Variants in ST18 observed in about 807,000 individuals in gnomAD.
ST18 encodes suppression of tumorigenicity 18 protein.
A neutral mutation model predicts 110.0 loss-of-function variants in ST18; 50 were observed. The observed-to-expected ratio is 0.45, with a 90% confidence interval of 0.36 to 0.58. The LOEUF (loss-of-function observed/expected upper bound fraction) is 0.58. ST18 is among the 20% of genes least tolerant of loss of function. The pLI, the probability that ST18 is intolerant of heterozygous loss-of-function variation, is 0.00. For missense variants in ST18, 1,306 were observed against 1,280.1 expected (o/e 1.02, Z -0.31); for synonymous variants, 461 against 452.4 (o/e 1.02, Z -0.24).
chr8:52,267,669 C>T (rs769023773), intron 2 of ST18, among the ~76,000 whole-genome samples: 4 of 152,088 alleles, frequency 2.6e-5, no homozygotes, highest in Non-Finnish European at 5.9e-5. Context: ...ATTATGCAAC[C>T]TGTACTTAAG....
At chr8:52,209,768 C>T (rs1322619122) in intron 8 of ST18, among the ~76,000 whole-genome samples, 1 of 47,026 alleles carries the variant, frequency 2.1e-5, no homozygotes, top group Non-Finnish European at 3.8e-5. Context: ...GAAACTCCAT[C>T]TCAAAAAAAA....
intron 2 of ST18, among the ~76,000 whole-genome samples, chr8:52,283,908 G>C (rs1040302651): frequency 7.2e-5 from 11 of 152,188 alleles, no homozygotes; most frequent in African/African-American, 2.7e-4. Context: ...ATATGAAATA[G>C]TCTTCTACAA....
chr8:52,238,243 A>G (rs774787133), intron 2 of ST18, among the ~76,000 whole-genome samples: 1 of 152,216 alleles, frequency 6.6e-6, no homozygotes, highest in South Asian at 2.1e-4. Context: ...ACATGCGTCT[A>G]CTTGAGAAAT....
At chr8:52,390,541 G>T (rs973544686) in intron 2 of ST18, among the ~76,000 whole-genome samples, 2 of 152,186 alleles carry the variant, frequency 1.3e-5, no homozygotes, top group African/African-American at 4.8e-5. Flanking sequence ...GTAGAAATAT[G>T]TCCGATTCCG....
At chr8:52,204,391 A>G (rs947437032) in intron 8 of ST18, among the ~76,000 whole-genome samples, 1 of 152,138 alleles carries the variant, frequency 6.6e-6, no homozygotes, top group African/African-American at 2.4e-5. Flanking sequence ...AACGCCCGTT[A>G]ATTTCTTATA....
intron 14 of ST18, 76 bp from the exon 15 acceptor site, chr8:52,159,185 T>A: frequency 7.5e-7 from 1 of 1,340,834 alleles, no homozygotes; most frequent in Middle Eastern, 1.9e-4. Flanking sequence ...TTTTTAAAAA[T>A]GTAACTTCTT....
At chr8:52,214,428 CT>C in intron 6 of ST18, 171 bp from the exon 7 acceptor site, 1 of 598,896 alleles carries the variant, frequency 1.7e-6, no homozygotes, top group Non-Finnish European at 2.9e-6. Context: ...ATACCACCAG[CT>C]TTGGAAATAC....
intron 2 of ST18, among the ~76,000 whole-genome samples, chr8:52,395,903 GAT>G (rs1432885000): frequency 2.0e-5 from 3 of 152,144 alleles, no homozygotes; most frequent in East Asian, 1.9e-4. Flanking sequence ...TACTAAAAAT[GAT>G]ATGTTTATGG....
At chr8:52,340,160 C>G (rs929540206) in intron 2 of ST18, among the ~76,000 whole-genome samples, 1 of 152,260 alleles carries the variant, frequency 6.6e-6, no homozygotes, top group Non-Finnish European at 1.5e-5. Flanking sequence ...TTTTGGCACA[C>G]AGCCAGGGTG....
At position 52,158,922 on chromosome 8, in the gene ST18, G is replaced by A. The variant is rs764542667; in HGVS notation, c.1782C>T (p.Asn594=). Residue 594 remains asparagine (N), a synonymous_variant, in exon 15 of 26, where the codon AAC becomes AAT. Coordinates refer to ENST00000689386, the MANE Select transcript of ST18 (RefSeq NM_001352837.2). The part of the protein sequence containing the change: ...RCREATDILS[N]KPQSLHAKGA... ...CCTTGGCATGCAGACTCTGTGGCTTGTTGGAGAGGATGTCTGTGGCTTCCC... is the reference window on the plus strand; with the variant it reads ...CCTTGGCATGCAGACTCTGTGGCTTATTGGAGAGGATGTCTGTGGCTTCCC... 2 of 1,613,886 alleles carry A rather than the reference G, an allele frequency of 1.2e-6. No individual in the cohort carries two copies. Among genetic ancestry groups the A allele is most frequent in the Non-Finnish European group, 1.7e-6 (2 of 1,179,912 alleles).
intron 2 of ST18, chr8:52,254,322 T>G (rs2094455876): frequency 6.6e-6 from 1 of 152,220 alleles, no homozygotes; most frequent in Non-Finnish European, 1.5e-5. Context: ...AAGCTGTTTC[T>G]TTGAAAGGTA....
At chr8:52,282,617 A>G (rs1292189970) in intron 2 of ST18, among the ~76,000 whole-genome samples, 1 of 152,098 alleles carries the variant, frequency 6.6e-6, no homozygotes, top group Non-Finnish European at 1.5e-5. Flanking sequence ...GCTGAGCACA[A>G]TCTCATGGCC....
chr8:52,262,468 C>T (rs369969908), intron 2 of ST18, among the ~76,000 whole-genome samples: 21 of 152,296 alleles, frequency 1.4e-4, no homozygotes, highest in Admixed American at 2.6e-4. Context: ...CTTCACAGGA[C>T]GACCTCCAAA....
At chr8:52,209,927 A>G (rs141226092) in intron 8 of ST18, 9 of 364,326 alleles carry the variant, frequency 2.5e-5, no homozygotes, top group Middle Eastern at 4.3e-4. Context: ...GCTAATACCT[A>G]ACTTTTTCTC....
chr8:52,173,073 A>G (rs2065583636), intron 9 of ST18, among the ~76,000 whole-genome samples: 1 of 152,226 alleles, frequency 6.6e-6, no homozygotes, highest in South Asian at 2.1e-4. Context: ...TTTCAAAGCC[A>G]TTTGGTTTCA....
At position 52,131,631 on chromosome 8, in the gene ST18, G is replaced by C. The variant is rs116610967; in HGVS notation, c.2666+327C>G. Among the ~76,000 whole-genome samples, 977 of 152,244 alleles carry C rather than the reference G, an allele frequency of 6.4e-3. 18 individuals are homozygous for C. Among genetic ancestry groups the C allele is most frequent in the African/African-American group, 0.023 (939 of 41,528 alleles). On this transcript the variant is annotated intron_variant, in intron 22 of 25. Transcript: ENST00000689386. ...TGCAATTACATAACATAATAGAATA[G>C]ATATCACCACTTGGAACTGAAGTAA...
chr8:52,119,810 G>C (rs1410772305), intron 23 of ST18, among the ~76,000 whole-genome samples: 1 of 152,156 alleles, frequency 6.6e-6, no homozygotes, highest in Non-Finnish European at 1.5e-5. Flanking sequence ...TATTCTGTGG[G>C]TACTTACTGC....
At chr8:52,259,395 C>T (rs373646767) in intron 2 of ST18, among the ~76,000 whole-genome samples, 32 of 152,180 alleles carry the variant, frequency 2.1e-4, no homozygotes, top group Admixed American at 3.9e-4. Context: ...TGCCTGCCCA[C>T]TTCATACTTG....
chr8:52,381,850 C>T (rs1259052049), intron 2 of ST18, among the ~76,000 whole-genome samples: 1 of 151,846 alleles, frequency 6.6e-6, no homozygotes, highest in African/African-American at 2.4e-5. Flanking sequence ...GTATTTGAAG[C>T]ACATTACAAA....
Sources: allele counts gnomAD v4.1 joint callset (sites outside exome capture counted in the v4.1 genomes callset), GRCh38; gene constraint gnomAD v4.1.1; transcripts MANE v1.5; gene names NCBI Gene and HGNC (gene_info 2026-07-23, HGNC 2026-07-21).